The following TRARG1 variants were observed in gnomAD, a reference collection of about 807,000 sequenced individuals.
The protein encoded by TRARG1 is trafficking regulator of GLUT4 1.
Under a neutral mutation model 13.3 loss-of-function variants are expected in TRARG1, and 16 were observed. The observed-to-expected ratio is 1.20, with a 90% CI of 0.81 to 1.83. The LOEUF is 1.83. TRARG1 is among the 40% of genes most tolerant of loss of function. TRARG1 has a pLI of 0.00. For synonymous variants in TRARG1, 113 were observed against 106.2 expected, an observed-to-expected ratio of 1.06 and a Z score of -0.39; for missense variants, 250 against 237.4, an observed-to-expected ratio of 1.05 and a Z score of -0.35.
intron 1 of TRARG1, among the ~76,000 whole-genome samples, chr17:1,288,679 A>C (rs938935313): frequency 4.8e-5 from 1 of 20,976 alleles, no homozygotes; most frequent in African/African-American, 2.2e-4. Context: ...CGGGTTCCCC[A>C]CCCCCCACGG....
rs1404236382 is a variant in TRARG1 at position 1,300,777 on chromosome 17, A to C, written c.*2513A>C. The C allele has an allele frequency of 6.6e-6, 1 of 152,328 alleles. No individual in the cohort carries two copies. The highest frequency in any genetic ancestry group is 1.5e-5 in the Non-Finnish European group (1 of 68,158). The allele number at this position is 152,328 out of a possible 1,614,324, so 9.4% of individuals were successfully genotyped here. On this transcript the variant is annotated 3_prime_UTR_variant, in exon 3 of 3. Coordinates refer to ENST00000333813, the MANE Select transcript of TRARG1 (RefSeq NM_172367.3). ...GTGCCCCACGCCGCCTGGAGGCCAG[A>C]GGGGTCAGTGGCCCTGCTGTCCCGG...
chr17:1,298,350 G>T lies in TRARG1; in HGVS notation c.*86G>T. On this transcript the variant is annotated 3_prime_UTR_variant, in exon 3 of 3. Transcript: ENST00000333813. The stretch of plus-strand genomic sequence containing the variant: ...GCACACCGCGGGAGGCCAGGGTGCT[G>T]ACTGTCAAGCATCCCCTGTCCCCAA... 2 of 1,480,662 alleles carry T rather than the reference G, an allele frequency of 1.4e-6. No individual in the cohort carries two copies. The highest frequency in any genetic ancestry group is 1.2e-5 in the South Asian group (1 of 83,584). 91.7% of individuals were successfully genotyped at this position (1,480,662 alleles called of 1,614,324 possible). A position where few individuals can be genotyped will look rare whatever the true frequency, so the allele number is the denominator to read the frequency against.
chr17:1,297,621 CCAGA>C (rs905715141), intron 2 of TRARG1, among the ~76,000 whole-genome samples: 6 of 139,942 alleles, frequency 4.3e-5, no homozygotes, highest in African/African-American at 1.1e-4. Context: ...TTTTTTTTCC[CCAGA>C]CAGAGTCTTG....
At chr17:1,282,700 T>C (rs577280617) in intron 1 of TRARG1, among the ~76,000 whole-genome samples, 2 of 150,792 alleles carry the variant, frequency 1.3e-5, no homozygotes, top group African/African-American at 4.9e-5. Context: ...TTTTGTTTTG[T>C]TTTATTTGAA....
intron 2 of TRARG1, among the ~76,000 whole-genome samples, chr17:1,296,966 T>C (rs1431365233): frequency 6.6e-6 from 1 of 151,750 alleles, no homozygotes; most frequent in East Asian, 1.9e-4. Flanking sequence ...TTTTCAAAGG[T>C]GACTCTCTGC....
intron 1 of TRARG1, among the ~76,000 whole-genome samples, chr17:1,290,008 G>A (rs1021822127): frequency 6.6e-6 from 1 of 152,148 alleles, no homozygotes; most frequent in East Asian, 1.9e-4. Context: ...CCCAAGCCGG[G>A]AACCTGGGAA....
At position 1,298,503 on chromosome 17, in the gene TRARG1, G is replaced by C. The variant is rs1447272778; in HGVS notation, c.*239G>C. Reference sequence around the variant, plus strand: ...ATGGGTAACGTGGTTTACTCTCCCGGACGCGTCCTGGGATCTCAACCCCAG... The same window carrying C: ...ATGGGTAACGTGGTTTACTCTCCCGCACGCGTCCTGGGATCTCAACCCCAG... On this transcript the variant is annotated 3_prime_UTR_variant, in exon 3 of 3. Transcript: ENST00000333813. 4.4e-6 allele frequency: 2 copies of C among 458,474 alleles called. No homozygotes were observed. The highest frequency in any genetic ancestry group is 7.7e-6 in the Non-Finnish European group (2 of 258,734). The allele number at this position is 458,474 out of a possible 1,614,324, so 28.4% of individuals were successfully genotyped here. A position where few individuals can be genotyped will look rare whatever the true frequency, so the allele number is the denominator to read the frequency against.
At chr17:1,295,013 T>TG (rs1013399810) in intron 1 of TRARG1, among the ~76,000 whole-genome samples, 1 of 151,630 alleles carries the variant, frequency 6.6e-6, no homozygotes, top group African/African-American at 2.4e-5. Context: ...GAGGCAGGGG[T>TG]GGGGGGTGCT....
chr17:1,295,421 C>T, intron 1 of TRARG1, 70 bp from the exon 2 acceptor site: 2 of 1,520,496 alleles, frequency 1.3e-6, no homozygotes, highest in Non-Finnish European at 8.8e-7. Context: ...CCCAGGGCTG[C>T]CTGCTGAGGC....
chr17:1,294,696 T>TC (rs1020896419), intron 1 of TRARG1, among the ~76,000 whole-genome samples: 1 of 150,146 alleles, frequency 6.7e-6, no homozygotes, highest in Admixed American at 6.6e-5. Flanking sequence ...AAACTCTTTT[T>TC]TTTTTTTTTG....
chr17:1,283,381 A>G (rs995943912), intron 1 of TRARG1, among the ~76,000 whole-genome samples: 1 of 152,216 alleles, frequency 6.6e-6, no homozygotes, highest in Non-Finnish European at 1.5e-5. Flanking sequence ...GCAGGAAGCC[A>G]TCCTGGTGTT....
At chr17:1,281,137 T>G (rs1216798977) in intron 1 of TRARG1, among the ~76,000 whole-genome samples, 4 of 152,202 alleles carry the variant, frequency 2.6e-5, no homozygotes. Context: ...GGATTTTGAA[T>G]GAATTGTCTT....
Position 1,299,581 on chromosome 17 carries a change from C to T in TRARG1, c.*1317C>T. The stretch of plus-strand genomic sequence containing the variant: ...CCTCGGCCTCTTCCTTCGTTCCAGG[C>T]CCATGATTTTCCCTACACTTCTCCC... On this transcript the variant is annotated 3_prime_UTR_variant, in exon 3 of 3. Transcript: ENST00000333813. The T allele has an allele frequency of 6.6e-6, 1 of 152,144 alleles. No individual in the cohort carries two copies. Among genetic ancestry groups the T allele is most frequent in the Non-Finnish European group, 1.5e-5 (1 of 68,140 alleles). 9.4% of individuals were successfully genotyped at this position (152,144 alleles called of 1,614,324 possible). A position where few individuals can be genotyped will look rare whatever the true frequency, so the allele number is the denominator to read the frequency against.
intron 1 of TRARG1, among the ~76,000 whole-genome samples, chr17:1,292,682 C>T (rs1401345137): frequency 6.6e-6 from 1 of 152,232 alleles, no homozygotes; most frequent in African/African-American, 2.4e-5. Context: ...AATTCTTGCT[C>T]ATCCTTCACA....
intron 1 of TRARG1, among the ~76,000 whole-genome samples, chr17:1,290,686 C>G (rs1488913287): frequency 6.6e-6 from 1 of 152,058 alleles, no homozygotes; most frequent in African/African-American, 2.4e-5. Flanking sequence ...CCCATCTCTT[C>G]GTCTGTAAAA....
intron 1 of TRARG1, among the ~76,000 whole-genome samples, chr17:1,283,605 G>A (rs1006857740): frequency 6.7e-6 from 1 of 149,152 alleles, no homozygotes; most frequent in African/African-American, 2.5e-5. Context: ...TCAGGAGTTC[G>A]AGACCAGCCT....
At chr17:1,294,834 C>T (rs938557309) in intron 1 of TRARG1, among the ~76,000 whole-genome samples, 4 of 152,068 alleles carry the variant, frequency 2.6e-5, no homozygotes, top group African/African-American at 9.7e-5. Flanking sequence ...TATAGGGGTG[C>T]ACCACCACGC....
At chr17:1,295,457 C>G (rs746801151) in intron 1 of TRARG1, 34 bp from the exon 2 acceptor site, 18 of 1,558,454 alleles carry the variant, frequency 1.2e-5, no homozygotes, top group Non-Finnish European at 1.4e-5. Context: ...ACAGCCTTCC[C>G]GGTTCCCGGG....
intron 2 of TRARG1, among the ~76,000 whole-genome samples, chr17:1,296,807 G>A (rs950411647): frequency 2.6e-5 from 4 of 151,584 alleles, no homozygotes; most frequent in South Asian, 2.1e-4. Flanking sequence ...CACCACGCCC[G>A]GCTAAGTTTG....
Sources: gnomAD v4.1 joint callset for allele counts (sites outside exome capture counted in the v4.1 genomes callset) on GRCh38, gnomAD v4.1.1 for gene constraint, MANE v1.5 for transcripts, NCBI Gene and HGNC (gene_info 2026-07-23, HGNC 2026-07-21) for gene names.